Variants in PRKAR1A observed in about 807,000 individuals in gnomAD.
PRKAR1A encodes protein kinase cAMP-dependent type I regulatory subunit alpha, also known as cAMP-dependent protein kinase type I-alpha regulatory subunit.
PRKAR1A carries 3 observed loss-of-function variants against 52.0 expected under a neutral mutation model. That is an observed-to-expected ratio of 0.06 (90% CI 0.03 to 0.15). PRKAR1A has a LOEUF of 0.15. PRKAR1A is among the 10% of genes least tolerant of loss of function. The probability of loss-of-function intolerance (pLI) is 1.00; values close to 1 mark genes in which losing one functional copy is unlikely to be tolerated. For synonymous variants in PRKAR1A, 188 were observed against 168.4 expected (o/e 1.12, Z -0.90); for missense variants, 240 against 477.4 (o/e 0.50, Z 4.63).
chr17:68,540,738 G>T lies in PRKAR1A; in HGVS notation c.974-10346G>T, dbSNP rs925889842. 3.5e-5 allele frequency: 46 copies of T among 1,330,066 alleles called. No homozygotes were observed. The South Asian group carries it at 5.2e-4, about 15-fold the overall frequency. 82.4% of individuals were successfully genotyped at this position (1,330,066 alleles called of 1,614,324 possible). On this transcript the variant is annotated intron_variant, in intron 11 of 11. Transcript: ENST00000585981. ...CACTTCTGAGGCTGTGGGAGGTGCA[G>T]AGTTACTCAGTCCTCATGAACCAGG...
At chr17:68,507,831 A>C (rs923068401), upstream of PRKAR1A, among the ~76,000 whole-genome samples, 1 of 152,224 alleles carries the variant, frequency 6.6e-6, no homozygotes, top group Non-Finnish European at 1.5e-5. Flanking sequence ...CAAAGGAAGA[A>C]CATTTTAGAA....
downstream of PRKAR1A, chr17:68,536,126 G>A (rs1409021700): frequency 8.8e-6 from 4 of 454,106 alleles, no homozygotes; most frequent in Admixed American, 4.7e-5. Flanking sequence ...GGGGTACCAC[G>A]GGGTCAGAAG....
At chr17:68,541,180 C>T in intron 11 of PRKAR1A, 1 of 570,368 alleles carries the variant, frequency 1.8e-6, no homozygotes, top group Non-Finnish European at 3.0e-6. Flanking sequence ...GGACACTAAA[C>T]CCATGGTTGG....
chr17:68,420,117 C>T, the PRKAR1A span: 17 of 1,529,658 alleles, frequency 1.1e-5, no homozygotes, highest in South Asian at 6.0e-5. Context: ...TAGAATCACT[C>T]GCAGCTCTCG....
the PRKAR1A span, among the ~76,000 whole-genome samples, chr17:68,472,586 A>G: frequency 6.6e-6 from 1 of 152,224 alleles, no homozygotes; most frequent in Non-Finnish European, 1.5e-5. Context: ...TAATAGGGAA[A>G]AGAGTGATGC....
At chr17:68,483,305 A>AC in the PRKAR1A span, among the ~76,000 whole-genome samples, 1 of 151,942 alleles carries the variant, frequency 6.6e-6, no homozygotes, top group Admixed American at 6.6e-5. Context: ...TTATGGTGAA[A>AC]CCCCATCTCT....
At chr17:68,509,279 TG>T (rs2085233532), upstream of PRKAR1A, among the ~76,000 whole-genome samples, 1 of 152,182 alleles carries the variant, frequency 6.6e-6, no homozygotes, top group Non-Finnish European at 1.5e-5. Context: ...CTTGACCTCC[TG>T]GGCTAAAGCA....
At chr17:68,527,314 A>G (rs1251381102) in intron 7 of PRKAR1A, among the ~76,000 whole-genome samples, 1 of 152,216 alleles carries the variant, frequency 6.6e-6, no homozygotes, top group African/African-American at 2.4e-5. Flanking sequence ...ATAGGTGAGA[A>G]GCCAGAACTA....
the PRKAR1A span, among the ~76,000 whole-genome samples, chr17:68,463,371 AG>A: frequency 2.0e-5 from 3 of 152,208 alleles, no homozygotes; most frequent in Non-Finnish European, 2.9e-5. Flanking sequence ...AAGGAGGAGA[AG>A]TTTGGAAGGA....
chr17:68,530,031 A>G (rs780772572), intron 10 of PRKAR1A, 30 bp downstream of exon 10: 134 of 1,601,894 alleles, frequency 8.4e-5, no homozygotes, highest in Admixed American at 1.0e-4. Flanking sequence ...CAATAAATAC[A>G]TGGTTTCTTT....
chr17:68,507,920 C>G (rs912507640), upstream of PRKAR1A, among the ~76,000 whole-genome samples: 2 of 152,156 alleles, frequency 1.3e-5, no homozygotes, highest in Non-Finnish European at 2.9e-5. Context: ...GTAGGCCATG[C>G]TACCCAGTTA....
At chr17:68,489,709 C>A in the PRKAR1A span, among the ~76,000 whole-genome samples, 1 of 123,450 alleles carries the variant, frequency 8.1e-6, no homozygotes, top group Non-Finnish European at 1.8e-5. Context: ...TGTCATCACA[C>A]CCGGCAAATT....
At chr17:68,472,282 G>A in the PRKAR1A span, among the ~76,000 whole-genome samples, 3 of 152,080 alleles carry the variant, frequency 2.0e-5, no homozygotes, top group African/African-American at 2.4e-5. Context: ...TATGACTCTC[G>A]AAGCTCTCAG....
intron 6 of PRKAR1A, among the ~76,000 whole-genome samples, chr17:68,525,293 A>T (rs1382798272): frequency 1.3e-5 from 1 of 79,516 alleles, no homozygotes; most frequent in East Asian, 3.1e-4. Context: ...CTCATCTCTT[A>T]AAAAAAAAAA....
the PRKAR1A span, among the ~76,000 whole-genome samples, chr17:68,486,446 CTT>C: frequency 2.2e-5 from 3 of 137,678 alleles, no homozygotes; most frequent in South Asian, 2.4e-4. Context: ...TCCTTCCTTC[CTT>C]CCCTCTTTCT....
the PRKAR1A span, among the ~76,000 whole-genome samples, chr17:68,479,510 T>C: frequency 1.7e-3 from 265 of 152,356 alleles, no homozygotes; most frequent in African/African-American, 6.2e-3. Context: ...CAGATACTTC[T>C]TCCTCATCAT....
chr17:68,460,822 G>T, the PRKAR1A span, among the ~76,000 whole-genome samples: 1 of 152,176 alleles, frequency 6.6e-6, no homozygotes, highest in Non-Finnish European at 1.5e-5. Context: ...TTCTGTTAGA[G>T]GTGTAAGCAG....
At chr17:68,426,917 G>C in the PRKAR1A span, among the ~76,000 whole-genome samples, 166 of 152,298 alleles carry the variant, frequency 1.1e-3, 1 homozygote, top group African/African-American at 3.8e-3. Flanking sequence ...GCCAGGTTGA[G>C]GGTCCCAGGT....
chr17:68,536,470 ACTTT>A (rs1481836424), downstream of PRKAR1A: 21 of 454,080 alleles, frequency 4.6e-5, no homozygotes, highest in Admixed American at 4.5e-4. Context: ...TCCCTACTAC[ACTTT>A]CTTCTAAGGG....
Sources: gnomAD v4.1 joint callset for allele counts (sites outside exome capture counted in the v4.1 genomes callset) on GRCh38, gnomAD v4.1.1 for gene constraint, MANE v1.5 for transcripts, NCBI Gene and HGNC (gene_info 2026-07-23, HGNC 2026-07-21) for gene names.